The following ENTREP2 variants were observed in gnomAD, a reference collection of about 807,000 sequenced individuals.
ENTREP2 encodes the protein protein ENTREP2.
At chr15:29,385,959 G>A in the ENTREP2 span, among the ~76,000 whole-genome samples, 6 of 151,772 alleles carry the variant, frequency 4.0e-5, no homozygotes, top group Non-Finnish European at 7.4e-5. Flanking sequence ...CACTGACGGC[G>A]GGATGACACA....
chr15:29,251,679 T>C, the ENTREP2 span, among the ~76,000 whole-genome samples: 27 of 151,794 alleles, frequency 1.8e-4, no homozygotes, highest in African/African-American at 5.3e-4. Flanking sequence ...CTGTCTACAA[T>C]TTTCTGAATG....
the ENTREP2 span, among the ~76,000 whole-genome samples, chr15:29,362,114 C>A: frequency 6.6e-6 from 1 of 152,068 alleles, no homozygotes; most frequent in Non-Finnish European, 1.5e-5. Context: ...CCAGAGACGG[C>A]CCCCACTCAG....
At chr15:29,589,948 C>T in the ENTREP2 span, among the ~76,000 whole-genome samples, 9 of 152,220 alleles carry the variant, frequency 5.9e-5, no homozygotes, top group Non-Finnish European at 1.0e-4. Flanking sequence ...GAAATGCACT[C>T]TCACCATTCA....
chr15:29,223,876 A>C, the ENTREP2 span, among the ~76,000 whole-genome samples: 3 of 152,198 alleles, frequency 2.0e-5, no homozygotes, highest in Admixed American at 2.0e-4. Flanking sequence ...CAGCTGACAG[A>C]GGACTGACAG....
At chr15:29,382,453 C>G in the ENTREP2 span, among the ~76,000 whole-genome samples, 22 of 151,984 alleles carry the variant, frequency 1.4e-4, 1 homozygote, top group African/African-American at 4.6e-4. Context: ...CCTGCGAGCC[C>G]CTCCCCTTCA....
the ENTREP2 span, among the ~76,000 whole-genome samples, chr15:29,159,262 C>A: frequency 4.0e-5 from 6 of 151,756 alleles, no homozygotes; most frequent in East Asian, 1.2e-3. Context: ...CTTAAGGCGG[C>A]GTGTCTGAAG....
the ENTREP2 span, among the ~76,000 whole-genome samples, chr15:29,194,196 C>T: frequency 6.6e-6 from 1 of 152,222 alleles, no homozygotes; most frequent in Non-Finnish European, 1.5e-5. Context: ...CAGCAATAAA[C>T]AGATACTCGC....
At chr15:29,158,939 T>C in the ENTREP2 span, among the ~76,000 whole-genome samples, 2 of 152,314 alleles carry the variant, frequency 1.3e-5, no homozygotes, top group South Asian at 2.1e-4. Context: ...ACGTAAGTTA[T>C]GGATATTAAT....
chr15:29,619,773 CCT>C, the ENTREP2 span, among the ~76,000 whole-genome samples: 2 of 152,090 alleles, frequency 1.3e-5, no homozygotes, highest in Non-Finnish European at 2.9e-5. Context: ...CTGGCCATCC[CCT>C]GATCTCATCA....
the ENTREP2 span, among the ~76,000 whole-genome samples, chr15:29,624,850 TTA>T: frequency 6.6e-6 from 1 of 151,446 alleles, no homozygotes; most frequent in Non-Finnish European, 1.5e-5. Context: ...CAGTTTTCAC[TTA>T]TTTTTACCCT....
chr15:29,634,811 A>G, the ENTREP2 span, among the ~76,000 whole-genome samples: 1 of 152,144 alleles, frequency 6.6e-6, no homozygotes, highest in African/African-American at 2.4e-5. Context: ...GGAACACTTA[A>G]CTTACCTTTA....
the ENTREP2 span, among the ~76,000 whole-genome samples, chr15:29,326,259 C>T: frequency 2.0e-5 from 3 of 152,086 alleles, no homozygotes; most frequent in Admixed American, 6.6e-5. Context: ...ATAAAAGGTA[C>T]ATAGATTGAA....
chr15:29,611,812 G>A, the ENTREP2 span, among the ~76,000 whole-genome samples: 1 of 152,114 alleles, frequency 6.6e-6, no homozygotes, highest in Non-Finnish European at 1.5e-5. Flanking sequence ...TACAGGAATC[G>A]CATCATTCAG....
chr15:29,158,601 A>G, the ENTREP2 span, among the ~76,000 whole-genome samples: 4 of 152,156 alleles, frequency 2.6e-5, no homozygotes, highest in Admixed American at 1.3e-4. Context: ...AAGTAGAGAT[A>G]GGGTTTCACC....
the ENTREP2 span, among the ~76,000 whole-genome samples, chr15:29,433,444 T>G: frequency 1.3e-5 from 2 of 152,208 alleles, no homozygotes; most frequent in African/African-American, 4.8e-5. Flanking sequence ...ATTTTATTCT[T>G]AAGGCTGCTC....
chr15:29,431,059 T>C, the ENTREP2 span, among the ~76,000 whole-genome samples: 1 of 152,162 alleles, frequency 6.6e-6, no homozygotes, highest in Non-Finnish European at 1.5e-5. Context: ...TGAGGCACAC[T>C]GCGGGCCCAA....
chr15:29,598,934 G>T, the ENTREP2 span, among the ~76,000 whole-genome samples: 1 of 152,152 alleles, frequency 6.6e-6, no homozygotes, highest in Non-Finnish European at 1.5e-5. Flanking sequence ...CTGACCTCGT[G>T]ATCCGCCCGC....
the ENTREP2 span, among the ~76,000 whole-genome samples, chr15:29,631,316 C>T: frequency 1.3e-5 from 2 of 152,194 alleles, no homozygotes; most frequent in African/African-American, 4.8e-5. Flanking sequence ...CCTGGCATGA[C>T]AAGCGGTCTT....
At chr15:29,605,138 T>C in the ENTREP2 span, among the ~76,000 whole-genome samples, 6 of 152,144 alleles carry the variant, frequency 3.9e-5, no homozygotes, top group African/African-American at 1.4e-4. Context: ...AGCCTGTGTA[T>C]CCTCCCCAAT....
Sources: gnomAD v4.1 joint callset for allele counts (sites outside exome capture counted in the v4.1 genomes callset) on GRCh38, gnomAD v4.1.1 for gene constraint, MANE v1.5 for transcripts, NCBI Gene and HGNC (gene_info 2026-07-23, HGNC 2026-07-21) for gene names.